Variants in LAMA2 observed in about 807,000 individuals in gnomAD.
LAMA2 encodes laminin subunit alpha 2.
A neutral mutation model predicts 364.8 loss-of-function variants in LAMA2; 269 were observed. The ratio of observed to expected loss-of-function variants is 0.74; its 90% CI spans 0.67 to 0.82. The LOEUF is 0.82. Among genes scored for constraint, LAMA2 ranks in the 40% least tolerant of loss-of-function variants. The pLI is 0.00. For synonymous variants in LAMA2, 1,379 were observed against 1,370.6 expected, an observed-to-expected ratio of 1.01 and a Z score of -0.14; for missense variants, 3,807 against 3,873.2, an observed-to-expected ratio of 0.98 and a Z score of 0.45.
intron 63 of LAMA2, 101 bp downstream of exon 63, chr6:129,512,594 G>A: frequency 3.0e-6 from 4 of 1,317,112 alleles, no homozygotes; most frequent in Admixed American, 1.7e-5. Context: ...AAGCCCGGCT[G>A]TATTCTTTGT....
chr6:129,254,103 G>A (rs1242574398), intron 14 of LAMA2, among the ~76,000 whole-genome samples: 1 of 152,172 alleles, frequency 6.6e-6, no homozygotes, highest in Non-Finnish European at 1.5e-5. Flanking sequence ...ATTTCAACTT[G>A]TCTTGCACAG....
rs566131488 is a variant in LAMA2 at position 129,515,561 on chromosome 6, C to CTACTT, written c.9212-628_9212-624dup. 3.3e-5 allele frequency among the ~76,000 whole-genome samples: 5 copies of CTACTT among 152,252 alleles called. No homozygotes were observed. In the East Asian group the frequency reaches 9.6e-4, roughly 29 times the overall value. On this transcript the variant is annotated intron_variant, in intron 64 of 64. Coordinates refer to ENST00000421865, the MANE Select transcript of LAMA2 (RefSeq NM_000426.4). ...GGAAGATTCTACATGAATATCCAAC[C>CTACTT]TACTTAACCTTTAGGGATTTATTTT...
chr6:129,288,229 TAATA>T (rs1213607594), intron 19 of LAMA2, among the ~76,000 whole-genome samples, 171 bp downstream of exon 19: 4 of 152,212 alleles, frequency 2.6e-5, no homozygotes, highest in South Asian at 2.1e-4. Context: ...TTGTACTAAC[TAATA>T]GAGTAAATAC....
intron 29 of LAMA2, among the ~76,000 whole-genome samples, chr6:129,328,918 A>G (rs1488016495): frequency 6.6e-6 from 1 of 152,052 alleles, no homozygotes; most frequent in East Asian, 1.9e-4. Context: ...ATGTTGTTAG[A>G]TATTATTTAA....
At chr6:129,082,388 A>G (rs190874400) in intron 3 of LAMA2, among the ~76,000 whole-genome samples, 162 of 152,142 alleles carry the variant, frequency 1.1e-3, no homozygotes, top group African/African-American at 3.7e-3. Flanking sequence ...TGACAATCCA[A>G]CCCCTCAAAT....
chr6:129,502,577 G>A (rs1785731814), intron 58 of LAMA2, 82 bp from the exon 59 acceptor site: 4 of 881,894 alleles, frequency 4.5e-6, no homozygotes, highest in Admixed American at 3.5e-5. Context: ...ACGCTAATAT[G>A]TAAGAAACAA....
At chr6:129,206,106 GAGGAAGGAAGGAAGGAAGGAAGGAAGGA>G (rs71028149) in intron 12 of LAMA2, among the ~76,000 whole-genome samples, 2 of 94,572 alleles carry the variant, frequency 2.1e-5, no homozygotes, top group Non-Finnish European at 4.2e-5. Context: ...GGGAGGGAGG[GAGGAAGGAAGGAAGGAAGGAAGGAAGGA>G]AGGAAGGAAG....
chr6:129,439,418 T>C (rs1276128382), intron 42 of LAMA2, among the ~76,000 whole-genome samples: 4 of 152,006 alleles, frequency 2.6e-5, no homozygotes, highest in African/African-American at 9.7e-5. Context: ...ATTAGTGAAA[T>C]AGAATAAATC....
intron 33 of LAMA2, among the ~76,000 whole-genome samples, chr6:129,367,666 C>T (rs1431284603): frequency 1.3e-5 from 2 of 152,078 alleles, no homozygotes; most frequent in African/African-American, 2.4e-5. Context: ...CTGACCATAA[C>T]CTTTAAGGTA....
intron 1 of LAMA2, among the ~76,000 whole-genome samples, chr6:128,990,077 C>T (rs1051908664): frequency 1.3e-5 from 2 of 152,128 alleles, no homozygotes; most frequent in African/African-American, 2.4e-5. Flanking sequence ...CTTTCTTATT[C>T]TTTATTATGA....
At chr6:129,312,741 G>T (rs1774306517) in intron 22 of LAMA2, 120 bp from the exon 23 acceptor site, 3 of 759,850 alleles carry the variant, frequency 3.9e-6, no homozygotes, top group Non-Finnish European at 6.9e-6. Flanking sequence ...ATAGTACAAA[G>T]CCTATAACAG....
In LAMA2 at chr6:129,069,381, T is replaced by G. The variant is rs904916999; in HGVS notation, c.396+9485T>G. Among the ~76,000 whole-genome samples the G allele has an allele frequency of 4.0e-5, 6 of 148,600 alleles. No individual in the cohort carries two copies. In the South Asian group the frequency reaches 1.3e-3, roughly 31 times the overall value. On this transcript the variant is annotated intron_variant, in intron 3 of 64. Transcript: ENST00000421865. Reference sequence around the variant, plus strand: ...ACATATTATGCTTATGTATATCATATTTGTTATATATATTATATATAACTA... The same window carrying G: ...ACATATTATGCTTATGTATATCATAGTTGTTATATATATTATATATAACTA...
chr6:129,309,588 T>G (rs1774083012), intron 22 of LAMA2, among the ~76,000 whole-genome samples: 1 of 152,220 alleles, frequency 6.6e-6, no homozygotes, highest in Admixed American at 6.5e-5. Context: ...CCTATTTTGT[T>G]TAAGTGAGTT....
At chr6:129,107,792 T>G (rs1775918539) in intron 4 of LAMA2, among the ~76,000 whole-genome samples, 1 of 152,150 alleles carries the variant, frequency 6.6e-6, no homozygotes, top group South Asian at 2.1e-4. Context: ...CAGCTAGTAA[T>G]TTTTGGAGCT....
chr6:129,333,401 G>A (rs974229479), intron 29 of LAMA2, among the ~76,000 whole-genome samples: 3 of 152,154 alleles, frequency 2.0e-5, no homozygotes, highest in East Asian at 1.9e-4. Context: ...GTCATGTTAC[G>A]AAAACTGCTT....
chr6:129,340,559 TAG>T (rs1776202163), intron 29 of LAMA2, among the ~76,000 whole-genome samples: 1 of 151,936 alleles, frequency 6.6e-6, no homozygotes, highest in Non-Finnish European at 1.5e-5. Context: ...GGGTAAGGTG[TAG>T]AAGTAGAAGA....
At chr6:129,139,809 C>T (rs1472383489) in intron 4 of LAMA2, among the ~76,000 whole-genome samples, 1 of 152,090 alleles carries the variant, frequency 6.6e-6, no homozygotes, top group African/African-American at 2.4e-5. Context: ...TCAAGCTACA[C>T]ATATGGATTT....
chr6:129,320,174 G>T (rs1228438509), intron 27 of LAMA2, among the ~76,000 whole-genome samples: 1 of 151,580 alleles, frequency 6.6e-6, no homozygotes, highest in Non-Finnish European at 1.5e-5. Context: ...AAAAAAAAAA[G>T]AAAAGAATAG....
chr6:129,097,476 C>G (rs1188364255), intron 3 of LAMA2, among the ~76,000 whole-genome samples: 1 of 152,168 alleles, frequency 6.6e-6, no homozygotes, highest in Non-Finnish European at 1.5e-5. Context: ...GTAACAATAC[C>G]TCTTTATTTC....
Sources: allele counts gnomAD v4.1 joint callset (sites outside exome capture counted in the v4.1 genomes callset), GRCh38; gene constraint gnomAD v4.1.1; transcripts MANE v1.5; gene names NCBI Gene and HGNC (gene_info 2026-07-23, HGNC 2026-07-21).